Variants in CCDC150 observed in about 807,000 individuals in gnomAD.
The protein encoded by CCDC150 is coiled-coil domain containing 150, also known as coiled-coil domain-containing protein 150.
Under a neutral mutation model 156.5 loss-of-function variants are expected in CCDC150, and 151 were observed. That is an observed-to-expected ratio of 0.97 (90% CI 0.85 to 1.10). The LOEUF (loss-of-function observed/expected upper bound fraction) is 1.10, where lower values mean the gene tolerates loss of function less well. Among genes scored for constraint, CCDC150 ranks in the 50% least tolerant of loss-of-function variants. The pLI is 0.00. For missense variants in CCDC150, 1,312 were observed against 1,268.1 expected (o/e 1.03, Z -0.53); for synonymous variants, 452 against 429.4 (o/e 1.05, Z -0.65).
At chr2:196,668,988 G>A (rs1209438682) in intron 7 of CCDC150, among the ~76,000 whole-genome samples, 1 of 152,156 alleles carries the variant, frequency 6.6e-6, no homozygotes, top group East Asian at 1.9e-4. Context: ...AGTGAAACAA[G>A]ACTGATATGA....
chr2:196,722,252 G>A (rs1697963392), intron 21 of CCDC150, among the ~76,000 whole-genome samples: 2 of 152,134 alleles, frequency 1.3e-5, no homozygotes, highest in Admixed American at 6.6e-5. Context: ...GAAATGCAGT[G>A]TGCACGTACA....
chr2:196,704,120 G>C (rs1215658761), intron 15 of CCDC150, among the ~76,000 whole-genome samples: 1 of 152,210 alleles, frequency 6.6e-6, no homozygotes, highest in Non-Finnish European at 1.5e-5. Context: ...AACTGGATTA[G>C]AATGGATTAA....
chr2:196,639,905 G>GAGGTCCAGGGAGTGA, intron 1 of CCDC150, 127 bp downstream of exon 1: 2 of 822,754 alleles, frequency 2.4e-6, no homozygotes, highest in Non-Finnish European at 3.4e-6. Context: ...CTCACTCCCT[G>GAGGTCCAGGGAGTGA]GACCTCAGGG....
At chr2:196,716,813 T>C (rs1286439683) in intron 17 of CCDC150, among the ~76,000 whole-genome samples, 1 of 151,280 alleles carries the variant, frequency 6.6e-6, no homozygotes, top group Admixed American at 6.6e-5. Context: ...ATATTACCTA[T>C]TCAAAAATGT....
chr2:196,654,300 A>C (rs1693057611), intron 2 of CCDC150, among the ~76,000 whole-genome samples: 1 of 151,640 alleles, frequency 6.6e-6, no homozygotes, highest in African/African-American at 2.4e-5. Context: ...AGGCTTGGGA[A>C]GTTTTTTTTT....
At position 196,732,604 on chromosome 2, in the gene CCDC150, A is replaced by G. The variant is rs1698585030; in HGVS notation, c.*42A>G. On this transcript the variant is annotated 3_prime_UTR_variant, in exon 28 of 28. Coordinates refer to ENST00000389175, the MANE Select transcript of CCDC150 (RefSeq NM_001080539.2). ...GCTTCTTTATGTGTAGCTACACTCC[A>G]TGATTCCAAGAGCCCAGCAGCCGGG... 1 of 1,341,316 alleles carries G rather than the reference A, an allele frequency of 7.5e-7. No individual in the cohort carries two copies. Among genetic ancestry groups the G allele is most frequent in the South Asian group, 1.2e-5 (1 of 85,406 alleles). The allele number at this position is 1,341,316 out of a possible 1,614,324, so 83.1% of individuals were successfully genotyped here. A position where few individuals can be genotyped will look rare whatever the true frequency, so the allele number is the denominator to read the frequency against.
At position 196,657,025 on chromosome 2, in the gene CCDC150, C is replaced by G. The variant is rs762923560; in HGVS notation, c.465C>G (p.Leu155=). ...EHSKDLKLLH[L]EVMNLRQQLR... ...CTAAGGACCTGAAGCTGTTGCATCT[C>G]GAAGTTATGAATTTGCGCCAGCAAC... Residue 155 remains leucine, a synonymous_variant, in exon 4 of 28, where the codon CTC becomes CTG. Transcript: ENST00000389175. 1.9e-6 allele frequency: 3 copies of G among 1,613,492 alleles called. No homozygotes were observed. Among genetic ancestry groups the G allele is most frequent in the Admixed American group, 3.3e-5 (2 of 59,914 alleles).
intron 15 of CCDC150, among the ~76,000 whole-genome samples, chr2:196,707,645 T>A (rs933977063): frequency 1.3e-5 from 2 of 152,208 alleles, no homozygotes; most frequent in African/African-American, 2.4e-5. Flanking sequence ...TTGTGGGTAT[T>A]TAGTGCTGTA....
At chr2:196,651,184 G>A (rs1435059007) in intron 2 of CCDC150, among the ~76,000 whole-genome samples, 2 of 152,082 alleles carry the variant, frequency 1.3e-5, no homozygotes, top group African/African-American at 2.4e-5. Flanking sequence ...TACTCTCCCT[G>A]CTCCCACTAT....
At chr2:196,721,481 G>A in intron 20 of CCDC150, 41 bp from the exon 21 acceptor site, 2 of 1,520,346 alleles carry the variant, frequency 1.3e-6, no homozygotes, top group Non-Finnish European at 1.8e-6. Flanking sequence ...TCTTGCATCT[G>A]TCCATTACAG....
At chr2:196,717,195 A>G (rs1026910489) in intron 17 of CCDC150, among the ~76,000 whole-genome samples, 1 of 152,034 alleles carries the variant, frequency 6.6e-6, no homozygotes, top group Non-Finnish European at 1.5e-5. Context: ...AGCCTAAAGT[A>G]ACATTCTTGA....
chr2:196,730,327 A>G (rs184910608), intron 25 of CCDC150, among the ~76,000 whole-genome samples: 25 of 152,346 alleles, frequency 1.6e-4, no homozygotes, highest in African/African-American at 5.5e-4. Flanking sequence ...CAGTTTAATA[A>G]AAGTAATGTC....
intron 12 of CCDC150, 79 bp from the exon 13 acceptor site, chr2:196,677,214 G>A: frequency 2.3e-6 from 2 of 884,144 alleles, no homozygotes; most frequent in Non-Finnish European, 1.9e-6. Context: ...TTGACATGCA[G>A]GATATGTGTG....
rs972217530 is a variant in CCDC150 at position 196,639,739 on chromosome 2, G to A, written c.-28G>A. The A allele has an allele frequency of 6.5e-6, 10 of 1,544,328 alleles. No homozygotes were observed. The highest frequency in any genetic ancestry group is 1.2e-5 in the South Asian group (1 of 81,382). ...TAGTTCCACGGAAACCCGCTCGCCTGCTGCAGTACGGAGCCTCAGGCGGAC... is the reference window on the plus strand; with the variant it reads ...TAGTTCCACGGAAACCCGCTCGCCTACTGCAGTACGGAGCCTCAGGCGGAC... On this transcript the variant is annotated 5_prime_UTR_variant, in exon 1 of 28. Transcript: ENST00000389175.
At position 196,676,600 on chromosome 2, in the gene CCDC150, G is replaced by C. The variant is rs1263614214; in HGVS notation, c.1309G>C (p.Asp437His). The change falls in exon 12 of 28, where the codon GAT (aspartate) becomes CAT (histidine). Residue 437 changes from aspartate to histidine, a missense_variant. By Grantham distance (81) the Asp-to-His change is moderately conservative (BLOSUM62 -1). Coordinates refer to ENST00000389175, the MANE Select transcript of CCDC150 (RefSeq NM_001080539.2). ...TAACCAGTGTATCCAGAAAGCACAGGATGCTGAAAAGAGAACAGCTGTGCA... is the reference window on the plus strand; with the variant it reads ...TAACCAGTGTATCCAGAAAGCACAGCATGCTGAAAAGAGAACAGCTGTGCA... Reference protein sequence around the residue: ...EHNQCIQKAQDAEKRTAVQKE... With the variant: ...EHNQCIQKAQHAEKRTAVQKE... 3 of 1,613,628 alleles carry C rather than the reference G, an allele frequency of 1.9e-6. No homozygotes were observed. The highest frequency in any genetic ancestry group is 1.3e-5 in the African/African-American group (1 of 74,918).
chr2:196,653,754 AC>A (rs771429004), intron 2 of CCDC150, among the ~76,000 whole-genome samples: 23 of 152,254 alleles, frequency 1.5e-4, no homozygotes, highest in Non-Finnish European at 2.9e-4. Flanking sequence ...ATTTTCAATT[AC>A]CTTTTTAGCA....
At chr2:196,708,977 T>C (rs1696884952) in intron 15 of CCDC150, among the ~76,000 whole-genome samples, 1 of 152,184 alleles carries the variant, frequency 6.6e-6, no homozygotes, top group South Asian at 2.1e-4. Flanking sequence ...GACAATTATG[T>C]GTCTTGGGAT....
chr2:196,696,004 CT>C (rs1695804591), intron 14 of CCDC150, among the ~76,000 whole-genome samples: 2 of 152,154 alleles, frequency 1.3e-5, no homozygotes. Context: ...GAGCTAAAGT[CT>C]TTCAAACTGT....
At chr2:196,716,306 A>C (rs1697497463) in intron 17 of CCDC150, among the ~76,000 whole-genome samples, 1 of 152,230 alleles carries the variant, frequency 6.6e-6, no homozygotes. Flanking sequence ...AGACTTGTAC[A>C]CAGGTGTTCA....
Sources: allele counts gnomAD v4.1 joint callset (sites outside exome capture counted in the v4.1 genomes callset), GRCh38; gene constraint gnomAD v4.1.1; transcripts MANE v1.5; gene names NCBI Gene and HGNC (gene_info 2026-07-23, HGNC 2026-07-21).